MALRD1: variants seen among roughly 807,000 people sequenced by gnomAD.
MALRD1 encodes MAM and LDL-receptor class A domain-containing protein 1.
A neutral mutation model predicts 242.1 loss-of-function variants in MALRD1; 247 were observed. That is an observed-to-expected ratio of 1.02 (90% CI 0.92 to 1.13). MALRD1 has a LOEUF of 1.13. MALRD1 is among the 50% of genes most tolerant of loss of function. The pLI, the probability that MALRD1 is intolerant of heterozygous loss-of-function variation, is 0.00. For synonymous variants in MALRD1, 995 were observed against 866.6 expected (o/e 1.15, Z -2.60); for missense variants, 2,989 against 2,533.1 (o/e 1.18, Z -3.86).
At chr10:19,215,769 T>A (rs1311460835) in intron 18 of MALRD1, among the ~76,000 whole-genome samples, 1 of 129,196 alleles carries the variant, frequency 7.7e-6, no homozygotes, top group African/African-American at 2.7e-5. Flanking sequence ...AAACAAATAA[T>A]TTAGTATAAT....
chr10:19,410,799 T>C (rs775148003), intron 28 of MALRD1, among the ~76,000 whole-genome samples: 4 of 152,136 alleles, frequency 2.6e-5, no homozygotes, highest in Non-Finnish European at 4.4e-5. Context: ...AAATTCCATT[T>C]AGCTTATTGG....
intron 19 of MALRD1, among the ~76,000 whole-genome samples, chr10:19,268,777 T>C (rs577783408): frequency 2.0e-5 from 3 of 152,280 alleles, no homozygotes; most frequent in African/African-American, 7.2e-5. Flanking sequence ...TAAAACAAGT[T>C]GGAAAATCTA....
At chr10:19,129,839 G>T (rs1162312286) in intron 8 of MALRD1, among the ~76,000 whole-genome samples, 3 of 148,838 alleles carry the variant, frequency 2.0e-5, no homozygotes, top group Non-Finnish European at 4.5e-5. Flanking sequence ...TATGTGAGAT[G>T]ACTATAGATA....
Position 19,142,171 on chromosome 10 carries a change from C to CAAAAAAAAAA in MALRD1, c.1412-4010_1412-4001dup, listed in dbSNP as rs529000033. Among the ~76,000 whole-genome samples, 10 of 26,276 alleles carry CAAAAAAAAAA rather than the reference C, an allele frequency of 3.8e-4. 1 individual carries two copies. The highest frequency in any genetic ancestry group is 1.2e-3 in the African/African-American group (7 of 5,870). The allele number at this position is 26,276 out of a possible 152,430, so 17.2% of individuals were successfully genotyped here. A position where few individuals can be genotyped will look rare whatever the true frequency, so the allele number is the denominator to read the frequency against. ...TGGGCGACAGAGCGAGACTCTAACT[C>CAAAAAAAAAA]AAAAAAAAAAAAAAAAAAAAAAAAA... On this transcript the variant is annotated intron_variant, in intron 10 of 39. Coordinates refer to ENST00000454679, the MANE Select transcript of MALRD1 (RefSeq NM_001142308.3).
chr10:19,114,907 C>A (rs1455738297), intron 5 of MALRD1, among the ~76,000 whole-genome samples: 2 of 152,102 alleles, frequency 1.3e-5, no homozygotes, highest in East Asian at 3.9e-4. Context: ...TCATTCTATA[C>A]CTGACTATGA....
chr10:19,440,742 A>G (rs1834597026), intron 28 of MALRD1, among the ~76,000 whole-genome samples: 1 of 152,146 alleles, frequency 6.6e-6, no homozygotes. Flanking sequence ...CCAGTCTATC[A>G]TTGATGGACA....
At chr10:19,458,639 A>G (rs4747374) in intron 29 of MALRD1, among the ~76,000 whole-genome samples, 124,059 of 152,070 alleles carry the variant, frequency 0.82, 50,799 homozygotes, top group East Asian at 1. Context: ...AAACGGGTCA[A>G]TAAGAATCAG....
At chr10:19,308,887 A>ATTTTGT (rs1842324382) in intron 21 of MALRD1, among the ~76,000 whole-genome samples, 1 of 151,626 alleles carries the variant, frequency 6.6e-6, no homozygotes, top group Non-Finnish European at 1.5e-5. Flanking sequence ...CTAAGAATGT[A>ATTTTGT]ATAAATCAAA....
chr10:19,240,003 A>G (rs1027645060), intron 18 of MALRD1, among the ~76,000 whole-genome samples: 1 of 152,054 alleles, frequency 6.6e-6, no homozygotes, highest in African/African-American at 2.4e-5. Flanking sequence ...TTTCATACAA[A>G]TTGTAGGGTA....
At chr10:19,299,639 T>C (rs141154210) in intron 21 of MALRD1, among the ~76,000 whole-genome samples, 1 of 151,992 alleles carries the variant, frequency 6.6e-6, no homozygotes, top group Non-Finnish European at 1.5e-5. Flanking sequence ...ATTATCTCAA[T>C]AGATGCAGAA....
At chr10:19,104,714 G>A (rs913520222) in intron 5 of MALRD1, among the ~76,000 whole-genome samples, 2 of 151,936 alleles carry the variant, frequency 1.3e-5, no homozygotes, top group African/African-American at 4.8e-5. Flanking sequence ...TTATATTGTG[G>A]CATGATATAA....
At chr10:19,158,278 T>C (rs1834252190) in intron 12 of MALRD1, among the ~76,000 whole-genome samples, 1 of 152,224 alleles carries the variant, frequency 6.6e-6, no homozygotes, top group African/African-American at 2.4e-5. Context: ...AATATGAAGC[T>C]TTTGCTTTCA....
At chr10:19,203,399 C>G (rs1836636977) in intron 14 of MALRD1, among the ~76,000 whole-genome samples, 1 of 152,074 alleles carries the variant, frequency 6.6e-6, no homozygotes, top group Non-Finnish European at 1.5e-5. Flanking sequence ...GTAACAGTAG[C>G]AGGGAAACTA....
chr10:19,282,512 A>C (rs1475638198), intron 20 of MALRD1, among the ~76,000 whole-genome samples: 1 of 152,156 alleles, frequency 6.6e-6, no homozygotes, highest in Non-Finnish European at 1.5e-5. Flanking sequence ...GTACATTTTA[A>C]AAAATCGCTG....
At chr10:19,546,747 A>C (rs970838316) in intron 32 of MALRD1, among the ~76,000 whole-genome samples, 1 of 152,182 alleles carries the variant, frequency 6.6e-6, no homozygotes, top group African/African-American at 2.4e-5. Flanking sequence ...TAAAACCTCC[A>C]AAAAGTCCTA....
chr10:19,283,396 A>T (rs999961121), intron 21 of MALRD1, among the ~76,000 whole-genome samples: 1 of 152,200 alleles, frequency 6.6e-6, no homozygotes, highest in African/African-American at 2.4e-5. Flanking sequence ...GGAGAAGAAC[A>T]TGAATAAGTG....
chr10:19,207,185 A>T (rs991658708), intron 17 of MALRD1, among the ~76,000 whole-genome samples: 19 of 152,012 alleles, frequency 1.2e-4, no homozygotes, highest in African/African-American at 3.4e-4. Context: ...ACATTTATTT[A>T]AAAAAAACTA....
intron 11 of MALRD1, among the ~76,000 whole-genome samples, chr10:19,149,119 T>TCTAC (rs1833843503): frequency 6.7e-6 from 1 of 149,044 alleles, no homozygotes; most frequent in East Asian, 1.9e-4. Flanking sequence ...TATCTATCTA[T>TCTAC]CTATCTAACT....
rs564242187 is a variant in MALRD1 at position 19,263,173 on chromosome 10, G to A, written c.3079+5402G>A. 3.9e-5 allele frequency among the ~76,000 whole-genome samples: 6 copies of A among 152,192 alleles called. No individual in the cohort carries two copies. The South Asian group carries it at 1.2e-3, about 32-fold the overall frequency. On this transcript the variant is annotated intron_variant, in intron 19 of 39. Transcript: ENST00000454679. ...ATATACACCCAGAACTGGGATTGCT[G>A]GATCATGTGGATAGTTACATTTTAA...
Sources: allele counts gnomAD v4.1 joint callset (sites outside exome capture counted in the v4.1 genomes callset), GRCh38; gene constraint gnomAD v4.1.1; transcripts MANE v1.5; gene names NCBI Gene and HGNC (gene_info 2026-07-23, HGNC 2026-07-21).